The following EYA3 variants were observed in gnomAD, a reference collection of about 807,000 sequenced individuals.
EYA3 encodes EYA transcriptional coactivator and phosphatase 3.
EYA3 carries 39 observed loss-of-function variants against 80.0 expected under a neutral mutation model. The ratio of observed to expected loss-of-function variants is 0.49; its 90% CI spans 0.38 to 0.64. The LOEUF (loss-of-function observed/expected upper bound fraction) is 0.64. Ranked by LOEUF, EYA3 falls within the 30% of genes least tolerant of loss-of-function variation. EYA3 has a pLI of 0.00. For synonymous variants in EYA3, 206 were observed against 232.8 expected (o/e 0.88, Z 1.05); for missense variants, 523 against 676.1 (o/e 0.77, Z 2.51).
intron 2 of EYA3, among the ~76,000 whole-genome samples, chr1:28,051,188 A>G (rs1644233726): frequency 6.6e-6 from 1 of 152,208 alleles, no homozygotes; most frequent in African/African-American, 2.4e-5. Flanking sequence ...TGAAAAAATC[A>G]GAATCTCTTT....
At position 28,007,451 on chromosome 1, in the gene EYA3, T is replaced by C. The variant is rs921812979; in HGVS notation, c.910-3032A>G. Among the ~76,000 whole-genome samples, 11 of 151,808 alleles carry C rather than the reference T, an allele frequency of 7.2e-5. No individual in the cohort carries two copies. The East Asian group carries it at 2.1e-3, about 29-fold the overall frequency. ...CCAGGTTGAAGCAGTTCTCTTGCCT[T>C]AGCCTCCCGAGTAGCTGGGGTTACA... On this transcript the variant is annotated intron_variant, in intron 10 of 17. Coordinates refer to ENST00000373871, the MANE Select transcript of EYA3 (RefSeq NM_001990.4).
chr1:28,045,633 A>C (rs556911701), intron 3 of EYA3, among the ~76,000 whole-genome samples: 7 of 152,218 alleles, frequency 4.6e-5, no homozygotes, highest in Non-Finnish European at 1.0e-4. Context: ...GCACCAAGAC[A>C]GTGAGTTAAC....
chr1:27,981,399 G>C (rs1272836821), intron 16 of EYA3, among the ~76,000 whole-genome samples: 1 of 152,162 alleles, frequency 6.6e-6, no homozygotes, highest in Non-Finnish European at 1.5e-5. Flanking sequence ...AGTATAATAA[G>C]CACTACAGAA....
At chr1:28,022,732 T>C (rs1261970413) in intron 7 of EYA3, among the ~76,000 whole-genome samples, 1 of 152,110 alleles carries the variant, frequency 6.6e-6, no homozygotes, top group Non-Finnish European at 1.5e-5. Context: ...ATCTTTTTTT[T>C]GAGACAGGGT....
chr1:28,082,242 C>T (rs1257716955), intron 1 of EYA3, among the ~76,000 whole-genome samples: 5 of 152,098 alleles, frequency 3.3e-5, no homozygotes, highest in African/African-American at 7.2e-5. Context: ...CCAGATTCTA[C>T]GATTCTCGAC....
intron 6 of EYA3, among the ~76,000 whole-genome samples, chr1:28,030,629 T>C (rs921744178): frequency 2.6e-5 from 4 of 152,212 alleles, no homozygotes; most frequent in Non-Finnish European, 5.9e-5. Flanking sequence ...TGTAATATTC[T>C]TTTCTCATCT....
chr1:27,993,339 GAAAGA>G, intron 14 of EYA3, 56 bp downstream of exon 14: 1 of 1,539,364 alleles, frequency 6.5e-7, no homozygotes, highest in Non-Finnish European at 8.8e-7. Context: ...GGAATCCCTG[GAAAGA>G]AAAGGAGGAA....
intron 8 of EYA3, among the ~76,000 whole-genome samples, chr1:28,015,539 C>CA (rs756117430): frequency 1.3e-5 from 2 of 151,800 alleles, no homozygotes; most frequent in Non-Finnish European, 2.9e-5. Context: ...AAAAAACAAA[C>CA]AAACAAACAA....
intron 10 of EYA3, among the ~76,000 whole-genome samples, chr1:28,007,054 C>T (rs1641335740): frequency 6.7e-6 from 1 of 149,770 alleles, no homozygotes; most frequent in Admixed American, 6.7e-5. Context: ...GATTCTCCTG[C>T]CTCAGCCTCC....
intron 1 of EYA3, among the ~76,000 whole-genome samples, chr1:28,074,011 T>A (rs982730044): frequency 6.6e-6 from 1 of 152,098 alleles, no homozygotes; most frequent in Non-Finnish European, 1.5e-5. Flanking sequence ...CAATAAATAG[T>A]TTATTTATTA....
chr1:28,030,149 C>T (rs2148832138), intron 6 of EYA3, among the ~76,000 whole-genome samples: 1 of 152,280 alleles, frequency 6.6e-6, no homozygotes, highest in South Asian at 2.1e-4. Flanking sequence ...AAATACAATA[C>T]TTTGAGAATG....
chr1:28,010,655 G>A, intron 10 of EYA3: 1 of 263,816 alleles, frequency 3.8e-6, no homozygotes, highest in Non-Finnish European at 7.2e-6. Flanking sequence ...ACAGATGTAA[G>A]CCACCGCACC....
chr1:28,010,670 C>G, intron 10 of EYA3: 1 of 319,322 alleles, frequency 3.1e-6, no homozygotes, highest in East Asian at 7.2e-5. Flanking sequence ...CGCACCTGAC[C>G]CTTTTAAAAT....
chr1:28,038,926 C>T (rs751093097), intron 4 of EYA3, 21 bp from the exon 5 acceptor site: 1 of 1,558,544 alleles, frequency 6.4e-7, no homozygotes, highest in Non-Finnish European at 8.8e-7. Flanking sequence ...GATAATATCA[C>T]CAGGTTAAAA....
At chr1:27,995,246 AAAAAAAAATGGAAATATT>A (rs1280974375) in intron 13 of EYA3, among the ~76,000 whole-genome samples, 15 of 151,630 alleles carry the variant, frequency 9.9e-5, no homozygotes, top group African/African-American at 3.4e-4. Flanking sequence ...TCTCTAAAAA[AAAAAAAAATGGAAATATT>A]AGCTGGGTAT....
chr1:27,988,956 A>G (rs1476710532), intron 15 of EYA3, among the ~76,000 whole-genome samples: 1 of 152,064 alleles, frequency 6.6e-6, no homozygotes, highest in Non-Finnish European at 1.5e-5. Context: ...AATACCACCA[A>G]CCCATGTCAC....
chr1:27,988,775 T>G (rs1302254376), intron 15 of EYA3, 119 bp from the exon 16 acceptor site: 1 of 1,136,746 alleles, frequency 8.8e-7, no homozygotes, highest in South Asian at 1.4e-5. Context: ...GGACCTGGTA[T>G]TATACTGTTC....
chr1:28,051,727 C>CAGA (rs529671214), intron 2 of EYA3, among the ~76,000 whole-genome samples: 1 of 152,092 alleles, frequency 6.6e-6, no homozygotes, highest in African/African-American at 2.4e-5. Context: ...ATAAACCTAA[C>CAGA]AGAAGAAGAA....
intron 17 of EYA3, among the ~76,000 whole-genome samples, chr1:27,976,120 G>A (rs538029977): frequency 1.1e-4 from 17 of 152,270 alleles, no homozygotes; most frequent in African/African-American, 4.1e-4. Context: ...ATATTTAAAA[G>A]GCTATTAACA....
Sources: gnomAD v4.1 joint callset for allele counts (sites outside exome capture counted in the v4.1 genomes callset) on GRCh38, gnomAD v4.1.1 for gene constraint, MANE v1.5 for transcripts, NCBI Gene and HGNC (gene_info 2026-07-23, HGNC 2026-07-21) for gene names.